The following ADRA1A variants were observed in gnomAD, a reference collection of about 807,000 sequenced individuals.
ADRA1A encodes the protein alpha-1A adrenergic receptor.
In ADRA1A, 31 loss-of-function variants were observed where a neutral mutation model predicts 29.6. That is an observed-to-expected ratio of 1.05 (90% CI 0.79 to 1.41). The LOEUF (loss-of-function observed/expected upper bound fraction) is 1.41. Among genes scored for constraint, ADRA1A ranks in the 40% most tolerant of loss-of-function variants. ADRA1A has a pLI of 0.00. For synonymous variants in ADRA1A, 311 were observed against 254.3 expected (o/e 1.22, Z -2.12); for missense variants, 619 against 601.1 (o/e 1.03, Z -0.31).
chr8:26,857,309 G>A (rs971526897), intron 2 of ADRA1A, among the ~76,000 whole-genome samples: 4 of 152,114 alleles, frequency 2.6e-5, no homozygotes, highest in African/African-American at 7.2e-5. Flanking sequence ...GCTGCTTTAA[G>A]CCACTACCTT....
chr8:26,865,778 G>A lies in ADRA1A; in HGVS notation c.-686-123C>T. ...GGGTTGGTTCTGCGGTCCAGAAGCT[G>A]CTTCGCCCGGCAGCGGTGGAGGCGA... On this transcript the variant is annotated intron_variant, in intron 1 of 2. Transcript: ENST00000380573. This position sits in a 1 kb window ranked among gnomAD's most constrained non-coding sequence, Gnocchi z 7.6. The A allele has an allele frequency of 1.1e-6, 1 of 919,524 alleles. No homozygotes were observed. The highest frequency in any genetic ancestry group is 1.3e-6 in the Non-Finnish European group (1 of 770,016). 57.0% of individuals were successfully genotyped at this position (919,524 alleles called of 1,614,324 possible). A position where few individuals can be genotyped will look rare whatever the true frequency, so the allele number is the denominator to read the frequency against.
chr8:26,766,883 A>G (rs751421529), downstream of ADRA1A, among the ~76,000 whole-genome samples: 1 of 152,074 alleles, frequency 6.6e-6, no homozygotes, highest in Non-Finnish European at 1.5e-5. Context: ...GAGAATATTT[A>G]TTTACCCAAA....
At chr8:26,808,148 T>C (rs1809134152) in intron 2 of ADRA1A, among the ~76,000 whole-genome samples, 1 of 152,230 alleles carries the variant, frequency 6.6e-6, no homozygotes, top group Non-Finnish European at 1.5e-5. Flanking sequence ...TTAGTTTCTT[T>C]TTTATTCTTC....
In ADRA1A at chr8:26,865,955, G is replaced by A. The variant is rs569384529; in HGVS notation, c.-686-300C>T. On this transcript the variant is annotated intron_variant, in intron 1 of 2. Transcript: ENST00000380573. The surrounding 1 kb of genome is among the most constrained non-coding windows in gnomAD (Gnocchi z 7.6). ...CTCCAGCGCTCGAAGTCTGGATTTCGAGCGCAGGTACCACGAAATTAAAAT... is the reference window on the plus strand; with the variant it reads ...CTCCAGCGCTCGAAGTCTGGATTTCAAGCGCAGGTACCACGAAATTAAAAT... Among the ~76,000 whole-genome samples the A allele has an allele frequency of 3.3e-5, 5 of 152,254 alleles. No homozygotes were observed. In the South Asian group the frequency reaches 1.0e-3, roughly 32 times the overall value.
chr8:26,763,026 T>C (rs1221349593), downstream of ADRA1A, among the ~76,000 whole-genome samples: 12 of 151,582 alleles, frequency 7.9e-5, no homozygotes, highest in Admixed American at 3.9e-4. The surrounding 1 kb of genome is among the most constrained non-coding windows in gnomAD (Gnocchi z 4.5). Context: ...TTCCAGTTAG[T>C]CAAAGGAAAA....
At chr8:26,756,591 G>T (rs1295299385) in exon 3 of ADRA1A, 2 of 1,553,682 alleles carry the variant, frequency 1.3e-6, no homozygotes, top group East Asian at 2.4e-5. Context: ...TGTTGGATTT[G>T]TGCCTTAGTC....
chr8:26,861,203 C>T (rs775551870), intron 2 of ADRA1A, among the ~76,000 whole-genome samples: 8 of 151,938 alleles, frequency 5.3e-5, no homozygotes, highest in Non-Finnish European at 1.2e-4. Context: ...GCTTCCAGGA[C>T]ATCACATTCT....
chr8:26,822,091 C>T (rs541487125), intron 2 of ADRA1A, among the ~76,000 whole-genome samples: 1 of 152,302 alleles, frequency 6.6e-6, no homozygotes, highest in East Asian at 1.9e-4. Context: ...ATTTTCATCT[C>T]TCTAGAATAT....
downstream of ADRA1A, among the ~76,000 whole-genome samples, chr8:26,766,339 A>G (rs141140971): frequency 5.3e-5 from 8 of 152,314 alleles, no homozygotes; most frequent in Non-Finnish European, 1.0e-4. Context: ...TTCTTGGCCA[A>G]TGTGGCCCCT....
At chr8:26,856,707 G>A (rs970992152) in intron 2 of ADRA1A, among the ~76,000 whole-genome samples, 1 of 152,056 alleles carries the variant, frequency 6.6e-6, no homozygotes, top group African/African-American at 2.4e-5. Flanking sequence ...CCCAGTCCAG[G>A]ACCACCCTTA....
At chr8:26,830,837 C>A (rs915641968) in intron 2 of ADRA1A, among the ~76,000 whole-genome samples, 5 of 152,266 alleles carry the variant, frequency 3.3e-5, no homozygotes, top group Admixed American at 6.5e-5. Context: ...CTGTAGCCTG[C>A]CAGAACAAAG....
At chr8:26,781,974 C>T (rs763319745) in intron 2 of ADRA1A, among the ~76,000 whole-genome samples, 2 of 152,212 alleles carry the variant, frequency 1.3e-5, no homozygotes, top group African/African-American at 4.8e-5. Context: ...TGGGTTTTTG[C>T]TTCCGGACTG....
At chr8:26,783,567 G>T (rs534010040) in intron 2 of ADRA1A, among the ~76,000 whole-genome samples, 9 of 152,346 alleles carry the variant, frequency 5.9e-5, no homozygotes, top group Non-Finnish European at 1.3e-4. Context: ...TGGTGACAAT[G>T]ATTCAGAAAG....
chr8:26,833,500 A>T (rs565957136), intron 2 of ADRA1A, among the ~76,000 whole-genome samples: 1 of 152,354 alleles, frequency 6.6e-6, no homozygotes, highest in Non-Finnish European at 1.5e-5. Flanking sequence ...AACTTTGCAT[A>T]GGGTGCTGGA....
At chr8:26,748,526 G>A (rs1445359806) in exon 3 of ADRA1A, 3 of 319,378 alleles carry the variant, frequency 9.4e-6, no homozygotes, top group African/African-American at 2.3e-5. Flanking sequence ...AGATCATGAG[G>A]TCAAGAGATC....
intron 2 of ADRA1A, among the ~76,000 whole-genome samples, chr8:26,801,526 T>C (rs1808577810): frequency 6.6e-6 from 1 of 151,902 alleles, no homozygotes; most frequent in South Asian, 2.1e-4. Context: ...TAGCTACAAA[T>C]AAAATAAAAT....
At chr8:26,832,809 C>T (rs985556834) in intron 2 of ADRA1A, among the ~76,000 whole-genome samples, 7 of 152,106 alleles carry the variant, frequency 4.6e-5, no homozygotes, top group Non-Finnish European at 7.4e-5. Context: ...AGAAGCTGGG[C>T]TGCCATGCAG....
At chr8:26,779,173 ATC>A (rs1309495543) in intron 2 of ADRA1A, 1 of 612,852 alleles carries the variant, frequency 1.6e-6, no homozygotes. Context: ...AGACCAGGTT[ATC>A]TCTCTCACTG....
chr8:26,749,889 A>G (rs1011587621), intron 2 of ADRA1A, among the ~76,000 whole-genome samples: 5 of 152,146 alleles, frequency 3.3e-5, no homozygotes, highest in African/African-American at 9.7e-5. Context: ...TTCCAGAAGA[A>G]GGCCTGGTCA....
Sources: allele counts gnomAD v4.1 joint callset (sites outside exome capture counted in the v4.1 genomes callset), GRCh38; gene constraint gnomAD v4.1.1; non-coding constraint Gnocchi (gnomAD v3.1); transcripts MANE v1.5; gene names NCBI Gene and HGNC (gene_info 2026-07-23, HGNC 2026-07-21).